TNRC6A: variants seen among roughly 807,000 people sequenced by gnomAD.
TNRC6A encodes the protein trinucleotide repeat-containing gene 6A protein.
In TNRC6A, 44 loss-of-function variants were observed where a neutral mutation model predicts 221.2. The ratio of observed to expected loss-of-function variants is 0.20; its 90% CI spans 0.16 to 0.26. The LOEUF (loss-of-function observed/expected upper bound fraction) is 0.26, where lower values mean the gene tolerates loss of function less well. TNRC6A is among the 10% of genes least tolerant of loss of function. The probability of loss-of-function intolerance (pLI) is 1.00; values close to 1 mark genes in which losing one functional copy is unlikely to be tolerated. For missense variants in TNRC6A, 2,199 were observed against 2,404.4 expected, an observed-to-expected ratio of 0.91 and a Z score of 1.79; for synonymous variants, 847 against 838.5, an observed-to-expected ratio of 1.01 and a Z score of -0.18.
At chr16:24,679,450 C>T (rs2055487083) in intron 2 of TNRC6A, among the ~76,000 whole-genome samples, 2 of 151,938 alleles carry the variant, frequency 1.3e-5, no homozygotes, top group South Asian at 2.1e-4. Flanking sequence ...ACTACAGGCA[C>T]ATACCACCAT....
chr16:24,706,813 A>G (rs187880034), intron 2 of TNRC6A, among the ~76,000 whole-genome samples: 9 of 152,068 alleles, frequency 5.9e-5, no homozygotes, highest in Admixed American at 4.6e-4. Flanking sequence ...TGGTAAAACC[A>G]TATTTGAAAT....
At chr16:24,763,759 T>C (rs1387133988) in intron 4 of TNRC6A, among the ~76,000 whole-genome samples, 1 of 152,200 alleles carries the variant, frequency 6.6e-6, no homozygotes, top group East Asian at 1.9e-4. Flanking sequence ...TGCACTTCCA[T>C]TCTCATCTTT....
intron 2 of TNRC6A, among the ~76,000 whole-genome samples, chr16:24,676,082 G>T (rs2055415527): frequency 1.3e-5 from 2 of 151,852 alleles, no homozygotes; most frequent in Admixed American, 6.6e-5. Context: ...ATTTAATTCT[G>T]ATAATGCCTC....
chr16:24,673,654 T>G (rs1349177180), intron 2 of TNRC6A, among the ~76,000 whole-genome samples: 1 of 152,090 alleles, frequency 6.6e-6, no homozygotes, highest in East Asian at 1.9e-4. Context: ...TCAACCTCCC[T>G]GGTTTAGGTA....
At chr16:24,736,729 AAGGTT>A in intron 2 of TNRC6A, among the ~76,000 whole-genome samples, 1 of 152,324 alleles carries the variant, frequency 6.6e-6, no homozygotes, top group East Asian at 1.9e-4. Flanking sequence ...AATTAACCGA[AAGGTT>A]ATCCAATATT....
At chr16:24,808,186 A>AAT (rs1304495184) in intron 17 of TNRC6A, among the ~76,000 whole-genome samples, 1 of 152,212 alleles carries the variant, frequency 6.6e-6, no homozygotes, top group East Asian at 1.9e-4. Context: ...CTCATCAGTG[A>AAT]AGGGAGCTGG....
intron 2 of TNRC6A, among the ~76,000 whole-genome samples, chr16:24,686,788 G>A (rs950868705): frequency 1.3e-5 from 2 of 152,138 alleles, no homozygotes; most frequent in Admixed American, 6.6e-5. Context: ...TGGGAAGCCC[G>A]AGCTCTGCTT....
chr16:24,776,901 C>G (rs867105419), intron 4 of TNRC6A, 32 bp from the exon 5 acceptor site: 2 of 1,588,880 alleles, frequency 1.3e-6, no homozygotes, highest in African/African-American at 2.7e-5. Context: ...ACTGGCTAAT[C>G]TTTTCCACCC....
chr16:24,707,199 T>C (rs911913047), intron 2 of TNRC6A, among the ~76,000 whole-genome samples: 1 of 152,076 alleles, frequency 6.6e-6, no homozygotes, highest in Admixed American at 6.6e-5. Flanking sequence ...TTTCAACATA[T>C]TGGCCAGGCT....
chr16:24,692,542 C>G (rs965748841), intron 2 of TNRC6A, among the ~76,000 whole-genome samples: 3 of 151,808 alleles, frequency 2.0e-5, no homozygotes, highest in African/African-American at 7.3e-5. Flanking sequence ...TGCACTCCAG[C>G]CTGGGCGACA....
rs532870181 is a variant in TNRC6A at position 24,772,469 on chromosome 16, G to C, written c.164-4464G>C. On this transcript the variant is annotated intron_variant, in intron 4 of 24. Transcript: ENST00000395799. Reference sequence around the variant, plus strand: ...AGATCGCGCCATTGCACTCCAGCCTGGGAAACAAGTGCAAAACCCTGCCTA... The same window carrying C: ...AGATCGCGCCATTGCACTCCAGCCTCGGAAACAAGTGCAAAACCCTGCCTA... 3.3e-4 allele frequency among the ~76,000 whole-genome samples: 50 copies of C among 152,074 alleles called. No individual in the cohort carries two copies. In the South Asian group the frequency reaches 4.4e-3, roughly 13 times the overall value.
intron 2 of TNRC6A, among the ~76,000 whole-genome samples, chr16:24,655,903 G>T (rs1187371656): frequency 6.6e-6 from 1 of 152,100 alleles, no homozygotes; most frequent in African/African-American, 2.4e-5. Flanking sequence ...AGTTTGAGAG[G>T]CCAAGGCAGG....
chr16:24,717,984 G>A (rs1372500834), intron 2 of TNRC6A, among the ~76,000 whole-genome samples: 5 of 151,872 alleles, frequency 3.3e-5, no homozygotes, highest in African/African-American at 9.7e-5. Flanking sequence ...TCCCATGTTG[G>A]CCAGGCTGGT....
intron 14 of TNRC6A, 74 bp downstream of exon 14, chr16:24,805,225 T>C: frequency 6.4e-7 from 1 of 1,571,784 alleles, no homozygotes. Context: ...TTGAATAAAA[T>C]GGCTAACTAA....
chr16:24,637,887 C>T (rs987655364), intron 1 of TNRC6A, among the ~76,000 whole-genome samples: 2 of 152,102 alleles, frequency 1.3e-5, no homozygotes, highest in South Asian at 2.1e-4. Flanking sequence ...CTGGTTCAAG[C>T]GATTCTCCTG....
intron 1 of TNRC6A, among the ~76,000 whole-genome samples, chr16:24,628,440 A>T (rs7191501): frequency 0.32 from 48,678 of 151,728 alleles, 8,023 homozygotes; most frequent in African/African-American, 0.36. Context: ...AAAAAGAAAA[A>T]AAAAAGTTAT....
intron 6 of TNRC6A, 21 bp downstream of exon 6, chr16:24,791,838 A>C (rs1312497759): frequency 6.7e-7 from 1 of 1,491,908 alleles, no homozygotes; most frequent in Non-Finnish European, 8.9e-7. Flanking sequence ...ATTTTATGAA[A>C]TCAAGCCTTG....
chr16:24,666,668 A>AATATATATATATATATATATAT (rs1555487102), intron 2 of TNRC6A, among the ~76,000 whole-genome samples: 7 of 65,134 alleles, frequency 1.1e-4, no homozygotes, highest in African/African-American at 6.9e-4. Context: ...AAAAAAAAAA[A>AATATATATATATATATATATAT]ATATATATAT....
At chr16:24,679,910 A>T (rs891445789) in intron 2 of TNRC6A, among the ~76,000 whole-genome samples, 1 of 152,156 alleles carries the variant, frequency 6.6e-6, no homozygotes, top group Non-Finnish European at 1.5e-5. Flanking sequence ...TACCTGGCCC[A>T]CTGGATCTTT....
Sources: gnomAD v4.1 joint callset for allele counts (sites outside exome capture counted in the v4.1 genomes callset) on GRCh38, gnomAD v4.1.1 for gene constraint, MANE v1.5 for transcripts, NCBI Gene and HGNC (gene_info 2026-07-23, HGNC 2026-07-21) for gene names.